The following IKZF2 variants were observed in gnomAD, a reference collection of about 807,000 sequenced individuals.
The protein encoded by IKZF2 is zinc finger protein Helios.
A neutral mutation model predicts 49.2 loss-of-function variants in IKZF2; 15 were observed. That is an observed-to-expected ratio of 0.30 (90% CI 0.20 to 0.47). The LOEUF (loss-of-function observed/expected upper bound fraction) is 0.47. Ranked by LOEUF, IKZF2 falls within the 20% of genes least tolerant of loss-of-function variation. The probability of loss-of-function intolerance (pLI) is 1.00; values close to 1 mark genes in which losing one functional copy is unlikely to be tolerated. For synonymous variants in IKZF2, 227 were observed against 221.4 expected (o/e 1.03, Z -0.23); for missense variants, 567 against 664.6 (o/e 0.85, Z 1.61).
At chr2:213,076,883 C>G (rs568066852) in intron 4 of IKZF2, among the ~76,000 whole-genome samples, 58 of 152,194 alleles carry the variant, frequency 3.8e-4, no homozygotes, top group Non-Finnish European at 7.4e-4. Context: ...GCCTGGGCGA[C>G]AAAGCCAGAC....
intron 4 of IKZF2, among the ~76,000 whole-genome samples, chr2:213,058,675 C>G (rs1284015421): frequency 6.6e-6 from 1 of 151,790 alleles, no homozygotes; most frequent in African/African-American, 2.4e-5. Flanking sequence ...AGTATTTTAT[C>G]CATCTTTATA....
At chr2:213,137,219 G>A (rs886413558) in intron 4 of IKZF2, among the ~76,000 whole-genome samples, 4 of 151,880 alleles carry the variant, frequency 2.6e-5, no homozygotes, top group African/African-American at 4.8e-5. Context: ...TTCATGCTTC[G>A]AGAACTTAAA....
At chr2:213,106,392 A>G (rs2059529229) in intron 4 of IKZF2, among the ~76,000 whole-genome samples, 1 of 151,970 alleles carries the variant, frequency 6.6e-6, no homozygotes, top group African/African-American at 2.4e-5. Context: ...TAATCCCAAC[A>G]CTTTGGGAGG....
intron 4 of IKZF2, among the ~76,000 whole-genome samples, chr2:213,080,964 A>C (rs555220895): frequency 2.0e-5 from 3 of 152,328 alleles, no homozygotes; most frequent in African/African-American, 7.2e-5. Context: ...TAAAGAAAAA[A>C]AAATTTGGTG....
chr2:213,039,691 AC>A (rs1254156978), intron 6 of IKZF2, among the ~76,000 whole-genome samples: 4 of 152,124 alleles, frequency 2.6e-5, no homozygotes, highest in Non-Finnish European at 5.9e-5. Flanking sequence ...GATACAGATA[AC>A]TAATTTTACA....
intron 4 of IKZF2, among the ~76,000 whole-genome samples, chr2:213,071,050 T>C (rs1452486952): frequency 1.3e-5 from 2 of 152,166 alleles, no homozygotes; most frequent in East Asian, 1.9e-4. Context: ...AGTTTCATTT[T>C]ATACAAAAGG....
At chr2:213,114,547 AT>A (rs1256358170) in intron 4 of IKZF2, among the ~76,000 whole-genome samples, 1 of 152,108 alleles carries the variant, frequency 6.6e-6, no homozygotes, top group African/African-American at 2.4e-5. Context: ...AGGGTAAGAG[AT>A]TTTTCCAAAA....
chr2:213,030,028 G>A lies in IKZF2; in HGVS notation c.575-7898C>T, dbSNP rs147131815. The stretch of plus-strand genomic sequence containing the variant: ...ATGCCTTCACCTATTTTTAAATTAT[G>A]GTCTTACTGCTTTTGTCTTTCTGAA... On this transcript the variant is annotated intron_variant, in intron 6 of 8. Transcript: ENST00000434687. 6.6e-5 allele frequency among the ~76,000 whole-genome samples: 10 copies of A among 152,014 alleles called. No individual in the cohort carries two copies. The East Asian group carries it at 9.6e-4, about 15-fold the overall frequency.
chr2:213,129,464 G>A (rs73987811), intron 4 of IKZF2, among the ~76,000 whole-genome samples: 2,034 of 151,170 alleles, frequency 0.013, 51 homozygotes, highest in African/African-American at 0.047. Context: ...AGACAGGAAC[G>A]AACTTGCCAT....
chr2:213,129,003 C>T (rs1574946345), intron 4 of IKZF2, among the ~76,000 whole-genome samples: 4 of 151,666 alleles, frequency 2.6e-5, no homozygotes, highest in South Asian at 2.1e-4. Flanking sequence ...ATGTGACTTT[C>T]GCCTCAATGT....
intron 4 of IKZF2, among the ~76,000 whole-genome samples, chr2:213,130,585 T>A (rs764741818): frequency 1.3e-4 from 20 of 152,140 alleles, no homozygotes; most frequent in Non-Finnish European, 2.6e-4. Flanking sequence ...TTACAGTAAT[T>A]CAAAGGAAAA....
At chr2:213,125,079 C>T (rs988269847) in intron 4 of IKZF2, among the ~76,000 whole-genome samples, 9 of 152,152 alleles carry the variant, frequency 5.9e-5, no homozygotes, top group African/African-American at 2.2e-4. Flanking sequence ...CTTCATTGAA[C>T]TGCTATGCTA....
intron 1 of IKZF2, among the ~76,000 whole-genome samples, chr2:213,150,611 T>C (rs1225614934): frequency 6.8e-6 from 1 of 147,642 alleles, no homozygotes; most frequent in Non-Finnish European, 1.5e-5. Context: ...GGTCAGTCAG[T>C]GCTATAGCAA....
intron 4 of IKZF2, among the ~76,000 whole-genome samples, chr2:213,075,371 G>T (rs1240162866): frequency 6.6e-6 from 1 of 152,008 alleles, no homozygotes; most frequent in African/African-American, 2.4e-5. Flanking sequence ...AGTAACTGTG[G>T]TTTTTGCCAT....
intron 5 of IKZF2, among the ~76,000 whole-genome samples, chr2:213,053,552 C>T (rs1334127932): frequency 6.6e-6 from 1 of 152,130 alleles, no homozygotes; most frequent in African/African-American, 2.4e-5. Flanking sequence ...CAAGCATCTG[C>T]TGAGTGCCTT....
At chr2:213,043,713 C>T (rs747334734) in intron 6 of IKZF2, among the ~76,000 whole-genome samples, 13 of 152,284 alleles carry the variant, frequency 8.5e-5, no homozygotes, top group Admixed American at 3.3e-4. Context: ...CCCTTGCATG[C>T]GCAGTTCACA....
chr2:213,072,389 T>C (rs2125499089), intron 4 of IKZF2, among the ~76,000 whole-genome samples: 1 of 151,732 alleles, frequency 6.6e-6, no homozygotes, highest in African/African-American at 2.4e-5. Context: ...CGCCAGCAAA[T>C]ATATTGAGTA....
At chr2:213,106,754 A>T (rs1016045912) in intron 4 of IKZF2, among the ~76,000 whole-genome samples, 2 of 152,158 alleles carry the variant, frequency 1.3e-5, no homozygotes, top group Non-Finnish European at 2.9e-5. Context: ...TGAAAAATCT[A>T]AAAGTGAAAC....
At chr2:213,117,314 A>C (rs2059909994) in intron 4 of IKZF2, among the ~76,000 whole-genome samples, 1 of 152,188 alleles carries the variant, frequency 6.6e-6, no homozygotes, top group Non-Finnish European at 1.5e-5. Context: ...CTTTGCTAAG[A>C]GATTTAAAAG....
Sources: allele counts gnomAD v4.1 joint callset (sites outside exome capture counted in the v4.1 genomes callset), GRCh38; gene constraint gnomAD v4.1.1; transcripts MANE v1.5; gene names NCBI Gene and HGNC (gene_info 2026-07-23, HGNC 2026-07-21).